The following ARHGEF3 variants were observed in gnomAD, a reference collection of about 807,000 sequenced individuals.
The protein encoded by ARHGEF3 is 59.8 kDA protein.
A neutral mutation model predicts 63.2 loss-of-function variants in ARHGEF3; 28 were observed. The observed-to-expected ratio is 0.44, with a 90% CI of 0.33 to 0.61. ARHGEF3 has a LOEUF of 0.61. Among genes scored for constraint, ARHGEF3 ranks in the 20% least tolerant of loss-of-function variants. The probability of loss-of-function intolerance (pLI) is 0.03; values close to 1 mark genes in which losing one functional copy is unlikely to be tolerated. For synonymous variants in ARHGEF3, 266 were observed against 254.2 expected (o/e 1.05, Z -0.44); for missense variants, 533 against 659.3 (o/e 0.81, Z 2.10).
chr3:56,968,447 C>T (rs548046419), intron 2 of ARHGEF3, among the ~76,000 whole-genome samples: 141 of 140,870 alleles, frequency 1.0e-3, no homozygotes, highest in South Asian at 2.4e-3. Flanking sequence ...TCAAGTGATA[C>T]TCCCGCCTCA....
In ARHGEF3 at chr3:56,728,279, C is replaced by G. The variant is rs2032859233; in HGVS notation, c.*991G>C. 6.6e-6 allele frequency: 1 copy of G among 152,652 alleles called. No homozygotes were observed. The highest frequency in any genetic ancestry group is 2.4e-5 in the African/African-American group (1 of 41,454). 9.5% of individuals were successfully genotyped at this position (152,652 alleles called of 1,614,324 possible). A position where few individuals can be genotyped will look rare whatever the true frequency, so the allele number is the denominator to read the frequency against. The stretch of plus-strand genomic sequence containing the variant: ...CTGGCCTTTCTCAGAAGGCACTGGA[C>G]CATGCTTTTCTCTCAATGGCTCCCA... On this transcript the variant is annotated 3_prime_UTR_variant, in exon 10 of 10. Transcript: ENST00000296315.
At chr3:56,954,400 C>T (rs1472028735) in intron 3 of ARHGEF3, among the ~76,000 whole-genome samples, 1 of 152,152 alleles carries the variant, frequency 6.6e-6, no homozygotes, top group Non-Finnish European at 1.5e-5. Flanking sequence ...ACTGCCCCAA[C>T]CAGATGGGAG....
rs138978435 is a variant in ARHGEF3, at chr3:57,059,066, C to A, written c.-28+20160G>T. ...AAATGATGAGTTAATGGGTGCAGCA[C>A]GCCAACATGGCACATGTATAGATAT... On this transcript the variant is annotated intron_variant, in intron 1 of 12. Transcript: ENST00000338458. Among the ~76,000 whole-genome samples, 1,356 of 151,604 alleles carry A rather than the reference C, an allele frequency of 8.9e-3. 29 individuals are homozygous for A. The highest frequency in any genetic ancestry group is 0.031 in the African/African-American group (1,279 of 41,314).
At chr3:57,054,809 C>T (rs540987520) in intron 1 of ARHGEF3, among the ~76,000 whole-genome samples, 65 of 151,764 alleles carry the variant, frequency 4.3e-4, no homozygotes, top group Non-Finnish European at 7.8e-4. Context: ...CGCCACCATG[C>T]CTGGCTAATT....
chr3:57,060,263 G>C (rs1450336544), intron 1 of ARHGEF3, among the ~76,000 whole-genome samples: 1 of 149,344 alleles, frequency 6.7e-6, no homozygotes, highest in Non-Finnish European at 1.5e-5. Context: ...ATTGTGCCAC[G>C]GCACTCCAGC....
intron 2 of ARHGEF3, among the ~76,000 whole-genome samples, chr3:56,975,974 C>T (rs1030099311): frequency 3.9e-5 from 6 of 152,146 alleles, no homozygotes; most frequent in Admixed American, 3.9e-4. Context: ...CAATTTAAAA[C>T]ATTTAATGGC....
chr3:57,009,948 A>G (rs1702615534), intron 2 of ARHGEF3, among the ~76,000 whole-genome samples: 1 of 152,216 alleles, frequency 6.6e-6, no homozygotes, highest in Non-Finnish European at 1.5e-5. Flanking sequence ...ATGATGAAAC[A>G]GAGGCACAGC....
At chr3:56,809,841 T>A (rs1300771254) in intron 4 of ARHGEF3, among the ~76,000 whole-genome samples, 1 of 152,090 alleles carries the variant, frequency 6.6e-6, no homozygotes, top group Non-Finnish European at 1.5e-5. Context: ...CAAGCGATTC[T>A]CCTGCCTCAG....
rs58304553 is a variant in ARHGEF3, at chr3:57,031,732, G to A, written c.62+3356C>T. Among the ~76,000 whole-genome samples, 587 of 152,166 alleles carry A rather than the reference G, an allele frequency of 3.9e-3. 5 individuals are homozygous for A. The highest frequency in any genetic ancestry group is 0.013 in the African/African-American group (548 of 41,524). On this transcript the variant is annotated intron_variant, in intron 2 of 12. Coordinates refer to the ARHGEF3 transcript ENST00000338458. Reference sequence around the variant, plus strand: ...TACCCGCTGAATCAGTACTTTGGGAGGCTGAGGTGGATGGATCACGTGAGG... The same window carrying A: ...TACCCGCTGAATCAGTACTTTGGGAAGCTGAGGTGGATGGATCACGTGAGG...
intron 2 of ARHGEF3, among the ~76,000 whole-genome samples, chr3:57,020,809 A>C (rs1479883031): frequency 6.6e-6 from 1 of 152,218 alleles, no homozygotes; most frequent in East Asian, 1.9e-4. Flanking sequence ...TACATTCCCT[A>C]TGGAGCTTGA....
intron 4 of ARHGEF3, among the ~76,000 whole-genome samples, chr3:56,844,225 T>C (rs144298452): frequency 3.9e-5 from 6 of 152,368 alleles, no homozygotes; most frequent in Admixed American, 6.5e-5. Context: ...TTGGAATATC[T>C]TGTTAGTATG....
At chr3:56,813,280 G>A (rs1457101049) in intron 4 of ARHGEF3, among the ~76,000 whole-genome samples, 1 of 152,212 alleles carries the variant, frequency 6.6e-6, no homozygotes, top group African/African-American at 2.4e-5. Context: ...TAGCTGGGAA[G>A]GCTGGGTTTT....
intron 4 of ARHGEF3, chr3:56,882,214 C>T (rs1435967786): frequency 2.1e-6 from 3 of 1,398,638 alleles, no homozygotes; most frequent in East Asian, 5.0e-5. Context: ...TTCAAGCACA[C>T]AGCATATTAT....
In ARHGEF3 at chr3:56,731,395, G is replaced by A. The variant is rs148226333; in HGVS notation, c.1228+843C>T. ...AAAATACAAAAATTAGCCAGGTGTG[G>A]TGGCCAGCCCCTGTACTCCCAGTTA... is the stretch of plus-strand genomic sequence containing the variant. On this transcript the variant is annotated intron_variant, in intron 9 of 9. Coordinates refer to ENST00000296315, the MANE Select transcript of ARHGEF3 (RefSeq NM_019555.3). Among the ~76,000 whole-genome samples the A allele has an allele frequency of 2.2e-3, 328 of 152,070 alleles. 2 individuals are homozygous for A. Among genetic ancestry groups the A allele is most frequent in the Non-Finnish European group, 2.9e-3 (194 of 68,020 alleles).
chr3:57,004,164 T>G (rs923100558), intron 2 of ARHGEF3, among the ~76,000 whole-genome samples: 4 of 152,136 alleles, frequency 2.6e-5, no homozygotes, highest in Non-Finnish European at 4.4e-5. Context: ...TGAGGGAAGG[T>G]GTTCGGTCCA....
chr3:57,008,767 A>G (rs1702568842), intron 2 of ARHGEF3, among the ~76,000 whole-genome samples: 1 of 152,148 alleles, frequency 6.6e-6, no homozygotes, highest in Admixed American at 6.5e-5. Context: ...TCACTGTACC[A>G]GGCCCTGTCA....
chr3:56,822,179 A>G (rs779557357), intron 4 of ARHGEF3, among the ~76,000 whole-genome samples: 3 of 152,234 alleles, frequency 2.0e-5, no homozygotes, highest in Non-Finnish European at 4.4e-5. Context: ...AATGCTTTAT[A>G]TACGTTATTC....
chr3:57,073,604 T>C, intron 1 of ARHGEF3: 2 of 1,482,302 alleles, frequency 1.3e-6, no homozygotes, highest in Non-Finnish European at 1.8e-6. Flanking sequence ...CAGAGCCAGG[T>C]TGCAAGAGTG....
chr3:56,786,224 T>C (rs961782982), intron 1 of ARHGEF3, among the ~76,000 whole-genome samples: 7 of 152,174 alleles, frequency 4.6e-5, no homozygotes, highest in Non-Finnish European at 1.0e-4. Flanking sequence ...CCACATGGGA[T>C]TGATTAAATT....
Sources: gnomAD v4.1 joint callset for allele counts (sites outside exome capture counted in the v4.1 genomes callset) on GRCh38, gnomAD v4.1.1 for gene constraint, MANE v1.5 for transcripts, NCBI Gene and HGNC (gene_info 2026-07-23, HGNC 2026-07-21) for gene names.